The following BLK variants were observed in gnomAD, a reference collection of about 807,000 sequenced individuals.
BLK encodes the protein tyrosine-protein kinase Blk.
Under a neutral mutation model 61.8 loss-of-function variants are expected in BLK, and 64 were observed. The ratio of observed to expected loss-of-function variants is 1.03; its 90% CI spans 0.85 to 1.27. The LOEUF (loss-of-function observed/expected upper bound fraction) is 1.27, where lower values mean the gene tolerates loss of function less well. Among genes scored for constraint, BLK ranks in the 50% most tolerant of loss-of-function variants. The pLI, the probability that BLK is intolerant of heterozygous loss-of-function variation, is 0.00. For synonymous variants in BLK, 351 were observed against 272.0 expected, an observed-to-expected ratio of 1.29 and a Z score of -2.86; for missense variants, 853 against 660.5, an observed-to-expected ratio of 1.29 and a Z score of -3.19.
At chr8:11,514,556 C>A (rs561123286) in intron 1 of BLK, among the ~76,000 whole-genome samples, 30 of 152,312 alleles carry the variant, frequency 2.0e-4, no homozygotes, top group African/African-American at 4.3e-4. Context: ...GGCTGGGGTA[C>A]AAGTGACACA....
In BLK at chr8:11,494,522, G is replaced by C. The variant is rs1288338381; in HGVS notation, c.-71G>C. On this transcript the variant is annotated 5_prime_UTR_variant, in exon 1 of 13. Transcript: ENST00000259089. Reference sequence around the variant, plus strand: ...GTTGGAAGTTGCTCGTTGTCGCTAGGAGCCTGCTCCACTGTAAGGGTGTCA... The same window carrying C: ...GTTGGAAGTTGCTCGTTGTCGCTAGCAGCCTGCTCCACTGTAAGGGTGTCA... The C allele has an allele frequency of 6.6e-6, 1 of 152,230 alleles. No homozygotes were observed. The highest frequency in any genetic ancestry group is 2.4e-5 in the African/African-American group (1 of 41,444). The allele number at this position is 152,230 out of a possible 1,614,324, so 9.4% of individuals were successfully genotyped here. A position where few individuals can be genotyped will look rare whatever the true frequency, so the allele number is the denominator to read the frequency against.
chr8:11,500,732 C>G (rs986944244), intron 1 of BLK, among the ~76,000 whole-genome samples: 14 of 151,938 alleles, frequency 9.2e-5, no homozygotes, highest in Non-Finnish European at 1.5e-4. Context: ...AGGCTGGTCT[C>G]AACCTCCTGA....
intron 1 of BLK, among the ~76,000 whole-genome samples, chr8:11,537,014 T>G (rs1800160538): frequency 6.6e-6 from 1 of 152,178 alleles, no homozygotes; most frequent in South Asian, 2.1e-4. Flanking sequence ...AGCAACTGAA[T>G]GTCTGTGGCT....
At chr8:11,552,124 A>T (rs1211486266) in intron 6 of BLK, among the ~76,000 whole-genome samples, 1 of 152,204 alleles carries the variant, frequency 6.6e-6, no homozygotes, top group Non-Finnish European at 1.5e-5. Flanking sequence ...GAGAATGGAC[A>T]GAGTTGTCAC....
intron 6 of BLK, among the ~76,000 whole-genome samples, chr8:11,550,976 G>C (rs777499277): frequency 6.6e-6 from 1 of 152,086 alleles, no homozygotes; most frequent in Admixed American, 6.5e-5. Flanking sequence ...AGACCACCAG[G>C]AGCCCCCTCA....
At chr8:11,539,054 C>T (rs1800259674) in intron 1 of BLK, among the ~76,000 whole-genome samples, 3 of 152,092 alleles carry the variant, frequency 2.0e-5, no homozygotes, top group Non-Finnish European at 4.4e-5. Context: ...TTAGCACACA[C>T]ACCGTTTTTT....
chr8:11,500,665 A>G (rs546769322), intron 1 of BLK, among the ~76,000 whole-genome samples: 1 of 151,464 alleles, frequency 6.6e-6, no homozygotes, highest in South Asian at 2.1e-4. Flanking sequence ...ACAGGTGTGC[A>G]CCACCACGCC....
At chr8:11,514,914 C>G (rs1799163032) in intron 1 of BLK, among the ~76,000 whole-genome samples, 1 of 152,200 alleles carries the variant, frequency 6.6e-6, no homozygotes. Flanking sequence ...CTGCTCAAAT[C>G]TAGGAGTCAC....
intron 1 of BLK, among the ~76,000 whole-genome samples, chr8:11,530,833 T>C (rs1274310582): frequency 6.6e-6 from 1 of 152,252 alleles, no homozygotes; most frequent in East Asian, 1.9e-4. Flanking sequence ...AGAACATATA[T>C]GTCAAGTCTT....
chr8:11,506,389 C>T (rs887840663), intron 1 of BLK, among the ~76,000 whole-genome samples: 1 of 152,144 alleles, frequency 6.6e-6, no homozygotes, highest in African/African-American at 2.4e-5. Context: ...ATCCTTGTAA[C>T]TGTTGGCCAT....
chr8:11,546,283 A>G (rs559840237), intron 3 of BLK, among the ~76,000 whole-genome samples, 180 bp downstream of exon 3: 2 of 152,318 alleles, frequency 1.3e-5, no homozygotes, highest in East Asian at 3.9e-4. Context: ...ACCAAGAACA[A>G]GTTTCTTCAG....
At chr8:11,532,301 C>A (rs552107139) in intron 1 of BLK, among the ~76,000 whole-genome samples, 2 of 151,480 alleles carry the variant, frequency 1.3e-5, no homozygotes, top group African/African-American at 4.8e-5. Context: ...CAGGCTCAAG[C>A]AATTCTCCTG....
chr8:11,499,859 T>G (rs1364631458), intron 1 of BLK, among the ~76,000 whole-genome samples: 1 of 152,156 alleles, frequency 6.6e-6, no homozygotes, highest in African/African-American at 2.4e-5. Context: ...TTATACACAT[T>G]TTTTTTTCTG....
intron 1 of BLK, among the ~76,000 whole-genome samples, chr8:11,523,476 C>T (rs1017626123): frequency 8.6e-5 from 13 of 152,040 alleles, no homozygotes; most frequent in Non-Finnish European, 5.9e-5. Flanking sequence ...TCACTTGAAC[C>T]CCGGAGAAGG....
intron 6 of BLK, among the ~76,000 whole-genome samples, chr8:11,550,558 C>A (rs1800855317): frequency 6.6e-6 from 1 of 152,226 alleles, no homozygotes; most frequent in Non-Finnish European, 1.5e-5. Flanking sequence ...CCAGTGGGGG[C>A]CAGGGAAGGG....
chr8:11,539,499 A>G (rs1211345545), intron 1 of BLK, among the ~76,000 whole-genome samples: 1 of 152,134 alleles, frequency 6.6e-6, no homozygotes, highest in East Asian at 1.9e-4. Flanking sequence ...AAACATTTTC[A>G]TCTCTCACAT....
At chr8:11,516,001 G>A (rs1799210123) in intron 1 of BLK, among the ~76,000 whole-genome samples, 1 of 152,244 alleles carries the variant, frequency 6.6e-6, no homozygotes, top group Non-Finnish European at 1.5e-5. Flanking sequence ...GTCAGGCACT[G>A]TAGATGGAAC....
intron 1 of BLK, among the ~76,000 whole-genome samples, chr8:11,497,255 G>T (rs925830063): frequency 1.3e-5 from 2 of 152,158 alleles, no homozygotes; most frequent in African/African-American, 4.8e-5. Context: ...ATGTGGGCCT[G>T]CAGTGCCTTT....
At chr8:11,530,049 G>C (rs1799824596) in intron 1 of BLK, among the ~76,000 whole-genome samples, 1 of 152,106 alleles carries the variant, frequency 6.6e-6, no homozygotes, top group African/African-American at 2.4e-5. Flanking sequence ...TTTTACTAAA[G>C]ACAAGACCAA....
Sources: gnomAD v4.1 joint callset for allele counts (sites outside exome capture counted in the v4.1 genomes callset) on GRCh38, gnomAD v4.1.1 for gene constraint, MANE v1.5 for transcripts, NCBI Gene and HGNC (gene_info 2026-07-23, HGNC 2026-07-21) for gene names.